Variants in COPZ2 observed in about 807,000 individuals in gnomAD.
COPZ2 encodes coatomer subunit zeta-2.
In COPZ2, 30 loss-of-function variants were observed where a neutral mutation model predicts 33.2. That is an observed-to-expected ratio of 0.90 (90% confidence interval 0.68 to 1.23). The LOEUF is 1.23. COPZ2 is among the 50% of genes most tolerant of loss of function. The pLI is 0.00. For synonymous variants in COPZ2, 89 were observed against 102.6 expected, an observed-to-expected ratio of 0.87 and a Z score of 0.80; for missense variants, 263 against 262.4, an observed-to-expected ratio of 1.00 and a Z score of -0.02.
chr17:48,039,549 C>T (rs1010197442), upstream of COPZ2, among the ~76,000 whole-genome samples: 1 of 151,726 alleles, frequency 6.6e-6, no homozygotes, highest in Non-Finnish European at 1.5e-5. Flanking sequence ...TGATCATGAT[C>T]AAGGTCTCAC....
rs534069953 is a variant in COPZ2, at chr17:48,026,483, G to C, written c.586-8C>G. 1.3e-5 allele frequency: 21 copies of C among 1,605,412 alleles called. No individual in the cohort carries two copies. In the South Asian group the frequency reaches 2.2e-4, roughly 17 times the overall value. On this transcript the variant is annotated splice_region_variant and splice_polypyrimidine_tract_variant and intron_variant, in intron 8 of 8. Transcript: ENST00000621465. ...CTTGGCAGACTGAAGAACCTGGGGT[G>C]GGGTGGGGGAGGTTGAGAGAGAATT...
Position 48,037,240 on chromosome 17 carries a change from G to C in COPZ2, c.112-315C>G, listed in dbSNP as rs765536209. On this transcript the variant is annotated intron_variant, in intron 1 of 8. Coordinates refer to ENST00000621465, the MANE Select transcript of COPZ2 (RefSeq NM_016429.4). The surrounding 1 kb of genome is among the most constrained non-coding windows in gnomAD (Gnocchi z 5.6). Reference sequence around the variant, plus strand: ...GAGTGTATCACAGAACCTGGGCCGGGGGGGACAGCGGGCCGAGCCTCCTTC... The same window carrying C: ...GAGTGTATCACAGAACCTGGGCCGGCGGGGACAGCGGGCCGAGCCTCCTTC... 1.7e-6 allele frequency: 1 copy of C among 596,020 alleles called. No individual in the cohort carries two copies. Among genetic ancestry groups the C allele is most frequent in the South Asian group, 1.5e-5 (1 of 66,088 alleles). 36.9% of individuals were successfully genotyped at this position (596,020 alleles called of 1,614,324 possible). A position where few individuals can be genotyped will look rare whatever the true frequency, so the allele number is the denominator to read the frequency against.
At chr17:48,046,292 A>G in the COPZ2 span, 1 of 152,212 alleles carries the variant, frequency 6.6e-6, no homozygotes, top group Non-Finnish European at 1.5e-5. Flanking sequence ...ACTGTAGTTG[A>G]GCCTTTATAT....
chr17:48,032,461 T>G (rs531025221), intron 5 of COPZ2, among the ~76,000 whole-genome samples: 11 of 152,334 alleles, frequency 7.2e-5, no homozygotes, highest in Non-Finnish European at 1.2e-4. Context: ...TCCCATACTT[T>G]GGGCCTTGAC....
chr17:48,026,217 T>C lies in COPZ2; in HGVS notation c.*211A>G. 1.8e-6 allele frequency: 1 copy of C among 551,596 alleles called. No individual in the cohort carries two copies. The highest frequency in any genetic ancestry group is 3.2e-6 in the Non-Finnish European group (1 of 310,680). The allele number at this position is 551,596 out of a possible 1,614,324, so 34.2% of individuals were successfully genotyped here. ...TTAGGGCCCTGGGGCCAGGAATGCCTAAGATATGAGTTAAGGCCAGGGCCG... is the reference window on the plus strand; with the variant it reads ...TTAGGGCCCTGGGGCCAGGAATGCCCAAGATATGAGTTAAGGCCAGGGCCG... On this transcript the variant is annotated 3_prime_UTR_variant, in exon 9 of 9. Transcript: ENST00000621465.
upstream of COPZ2, among the ~76,000 whole-genome samples, chr17:48,041,075 C>T (rs2037056555): frequency 6.6e-6 from 1 of 150,736 alleles, no homozygotes; most frequent in South Asian, 2.1e-4. Context: ...TCATTTGCAC[C>T]CAGGAGGCAG....
chr17:48,037,788 G>A lies in COPZ2; in HGVS notation c.-11C>T, dbSNP rs1283728746. ...CTCGGGCCGCTGCATTCCGCTCGCC[G>A]CCTCGCACTGACAGCGCCGCCCGCC... is the stretch of plus-strand genomic sequence containing the variant. On this transcript the variant is annotated 5_prime_UTR_variant, in exon 1 of 9. Transcript: ENST00000621465. This position sits in a 1 kb window ranked among gnomAD's most constrained non-coding sequence, Gnocchi z 5.6. The A allele has an allele frequency of 2.0e-6, 2 of 994,002 alleles. No individual in the cohort carries two copies. Among genetic ancestry groups the A allele is most frequent in the Non-Finnish European group, 2.4e-6 (2 of 839,480 alleles). The allele number at this position is 994,002 out of a possible 1,614,324, so 61.6% of individuals were successfully genotyped here.
intron 8 of COPZ2, among the ~76,000 whole-genome samples, chr17:48,027,396 A>G (rs2036832373): frequency 6.6e-6 from 1 of 152,186 alleles, no homozygotes; most frequent in African/African-American, 2.4e-5. Context: ...TCATAACTCC[A>G]TGAAGAGGGT....
the COPZ2 span, chr17:48,043,455 C>T: frequency 1.1e-6 from 1 of 911,090 alleles, no homozygotes; most frequent in African/African-American, 1.8e-5. Flanking sequence ...TCTATCCCTC[C>T]TGCTTAATGT....
In COPZ2 at chr17:48,037,213, CG is replaced by C. The variant is rs1313180994; in HGVS notation, c.112-289del. 2 of 653,408 alleles carry C rather than the reference CG, an allele frequency of 3.1e-6. No homozygotes were observed. Among genetic ancestry groups the C allele is most frequent in the African/African-American group, 3.6e-5 (2 of 55,558 alleles). The allele number at this position is 653,408 out of a possible 1,614,324, so 40.5% of individuals were successfully genotyped here. A position where few individuals can be genotyped will look rare whatever the true frequency, so the allele number is the denominator to read the frequency against. On this transcript the variant is annotated intron_variant, in intron 1 of 8. Coordinates refer to ENST00000621465, the MANE Select transcript of COPZ2 (RefSeq NM_016429.4). The surrounding 1 kb of genome is among the most constrained non-coding windows in gnomAD (Gnocchi z 5.6). ...GCACTGACTGCTCCAGAGCCCGAGT[CG>C]GAGTGTATCACAGAACCTGGGCCGG... is the stretch of plus-strand genomic sequence containing the variant.
chr17:48,029,988 TA>T (rs2036869915), intron 6 of COPZ2, among the ~76,000 whole-genome samples: 1 of 147,850 alleles, frequency 6.8e-6, no homozygotes, highest in Non-Finnish European at 1.5e-5. Flanking sequence ...ATTTTTTTTT[TA>T]AATCTTCCCT....
upstream of COPZ2, among the ~76,000 whole-genome samples, chr17:48,040,434 T>TA (rs1491314779): frequency 1.8e-5 from 1 of 56,106 alleles, no homozygotes; most frequent in Non-Finnish European, 4.6e-5. Context: ...TGGTGACAGA[T>TA]TTTTTTTTTT....
At chr17:48,033,369 T>A in intron 3 of COPZ2, 67 bp from the exon 4 acceptor site, 1 of 859,246 alleles carries the variant, frequency 1.2e-6, no homozygotes, top group Non-Finnish European at 2.0e-6. Context: ...CTCCTCCTCA[T>A]GTATGACTCT....
the COPZ2 span, among the ~76,000 whole-genome samples, chr17:48,043,061 C>A: frequency 6.6e-6 from 1 of 152,238 alleles, no homozygotes; most frequent in Non-Finnish European, 1.5e-5. Flanking sequence ...GAAGCATGCA[C>A]GTGCAGCAGC....
At chr17:48,041,147 CAA>C (rs10532613), upstream of COPZ2, among the ~76,000 whole-genome samples, 10,226 of 103,102 alleles carry the variant, frequency 0.099, 1,113 homozygotes, top group African/African-American at 0.3. Flanking sequence ...ACTCTATCTC[CAA>C]AAAAAAAAAA....
At chr17:48,032,085 G>T in intron 6 of COPZ2, 71 bp downstream of exon 6, 6 of 1,260,504 alleles carry the variant, frequency 4.8e-6, no homozygotes, top group Non-Finnish European at 6.9e-6. Context: ...TAGCCATGCT[G>T]GGTGCCATCT....
chr17:48,047,606 A>C, the COPZ2 span: 1 of 151,546 alleles, frequency 6.6e-6, no homozygotes, highest in Non-Finnish European at 1.5e-5. Context: ...CCATGACAAA[A>C]ATCGCCATTA....
chr17:48,030,145 G>A (rs888871571), intron 6 of COPZ2, among the ~76,000 whole-genome samples: 2 of 150,558 alleles, frequency 1.3e-5, no homozygotes, highest in South Asian at 4.2e-4. Flanking sequence ...AAATTAGCCG[G>A]TAATGGTGGC....
the COPZ2 span, chr17:48,047,466 G>C: frequency 6.6e-6 from 1 of 152,162 alleles, no homozygotes; most frequent in African/African-American, 2.4e-5. Context: ...TAACGTTTGA[G>C]AGTCACAAAC....
Sources: gnomAD v4.1 joint callset for allele counts (sites outside exome capture counted in the v4.1 genomes callset) on GRCh38, gnomAD v4.1.1 for gene constraint, Gnocchi (gnomAD v3.1) non-coding constraint, MANE v1.5 for transcripts, NCBI Gene and HGNC (gene_info 2026-07-23, HGNC 2026-07-21) for gene names.